The following TICRR variants were observed in gnomAD, a reference collection of about 807,000 sequenced individuals.
The protein encoded by TICRR is TOPBP1 interacting checkpoint and replication regulator, also known as treslin.
TICRR carries 132 observed loss-of-function variants against 178.1 expected under a neutral mutation model. That is an observed-to-expected ratio of 0.74 (90% confidence interval 0.64 to 0.86). TICRR has a LOEUF of 0.86. Among genes scored for constraint, TICRR ranks in the 40% least tolerant of loss-of-function variants. The pLI is 0.00. For synonymous variants in TICRR, 991 were observed against 900.7 expected (o/e 1.10, Z -1.79); for missense variants, 2,587 against 2,334.3 (o/e 1.11, Z -2.23).
In TICRR at chr15:89,624,419, T is replaced by G. The variant is rs371861797; in HGVS notation, c.4109T>G (p.Leu1370Trp). Residue 1370 changes from leucine to tryptophan, a missense_variant, in exon 20 of 22, where the codon TTG (leucine) becomes TGG (tryptophan). By Grantham distance (61) the Leu-to-Trp change is moderately conservative (BLOSUM62 -2). Coordinates refer to ENST00000268138, the MANE Select transcript of TICRR (RefSeq NM_152259.4). Reference sequence around the variant, plus strand: ...CCTGAACTCTCACAGAGAGCTACATTGGACACCGTCCCTCCTCCACCCCCT... The same window carrying G: ...CCTGAACTCTCACAGAGAGCTACATGGGACACCGTCCCTCCTCCACCCCCT... ...TPPELSQRAT[L>W]DTVPPPPPSK... 6.2e-7 allele frequency: 1 copy of G among 1,614,172 alleles called. No homozygotes were observed. The highest frequency in any genetic ancestry group is 2.2e-5 in the East Asian group (1 of 44,866).
At position 89,622,588 on chromosome 15, in the gene TICRR, C is replaced by T. The variant is rs528952023; in HGVS notation, c.3313-1035C>T. Among the ~76,000 whole-genome samples, 3 of 152,266 alleles carry T rather than the reference C, an allele frequency of 2.0e-5. No individual in the cohort carries two copies. The East Asian group carries it at 5.8e-4, about 29-fold the overall frequency. On this transcript the variant is annotated intron_variant, in intron 19 of 21. Transcript: ENST00000268138. The stretch of plus-strand genomic sequence containing the variant: ...TAAATTGCTTGGAGGTTGGGAAAGA[C>T]ATAGAGCTCTGGAGAAGGGTCTGAA...
At chr15:89,580,853 G>A (rs1368803305) in intron 1 of TICRR, among the ~76,000 whole-genome samples, 3 of 152,118 alleles carry the variant, frequency 2.0e-5, no homozygotes, top group Non-Finnish European at 2.9e-5. Context: ...GCAACATGGT[G>A]AGACCCCATC....
intron 13 of TICRR, among the ~76,000 whole-genome samples, chr15:89,605,996 T>A (rs1472759034): frequency 6.6e-6 from 1 of 152,190 alleles, no homozygotes; most frequent in African/African-American, 2.4e-5. Flanking sequence ...TTTTCCCTTA[T>A]TAGGTATAAA....
chr15:89,624,682 A>T lies in TICRR; in HGVS notation c.4372A>T (p.Thr1458Ser). Residue 1458 changes from threonine to serine, a missense_variant, in exon 20 of 22, where the codon ACA becomes TCA. Physicochemically the swap from Thr to Ser is moderately conservative, Grantham distance 58. Transcript: ENST00000268138. The part of the protein sequence containing the change: ...DWHASSPLLI[T>S]SDTEHVTLLS... Reference sequence around the variant, plus strand: ...GCATGCATCCTCTCCTCTGCTCATTACAAGTGACACAGAGCATGTCACTCT... The same window carrying T: ...GCATGCATCCTCTCCTCTGCTCATTTCAAGTGACACAGAGCATGTCACTCT... The T allele has an allele frequency of 6.2e-7, 1 of 1,614,130 alleles. No individual in the cohort carries two copies. Among genetic ancestry groups the T allele is most frequent in the South Asian group, 1.1e-5 (1 of 91,088 alleles).
intron 14 of TICRR, among the ~76,000 whole-genome samples, chr15:89,608,536 A>T: frequency 6.6e-6 from 1 of 152,230 alleles, no homozygotes; most frequent in East Asian, 1.9e-4. Context: ...ATGCTGAGAC[A>T]ACTGGATATC....
Position 89,627,455 on chromosome 15 carries a change from G to A in TICRR, c.*369G>A. 4.2e-6 allele frequency: 1 copy of A among 237,480 alleles called. No individual in the cohort carries two copies. Among genetic ancestry groups the A allele is most frequent in the South Asian group, 9.3e-5 (1 of 10,726 alleles). 14.7% of individuals were successfully genotyped at this position (237,480 alleles called of 1,614,324 possible). On this transcript the variant is annotated 3_prime_UTR_variant, in exon 22 of 22. Transcript: ENST00000268138. ...AAAGGCGCCCTCCCTGGGGTCCCTTGAGCTGCTGTAAGGCTGGGCTGCTGC... is the reference window on the plus strand; with the variant it reads ...AAAGGCGCCCTCCCTGGGGTCCCTTAAGCTGCTGTAAGGCTGGGCTGCTGC...
rs745826660 is a variant in TICRR at position 89,625,439 on chromosome 15, C to G, written c.5129C>G (p.Pro1710Arg). The change falls in exon 20 of 22, where the codon CCT (proline) becomes CGT (arginine). Residue 1710 changes from proline (P) to arginine (R), a missense_variant. Coordinates refer to ENST00000268138, the MANE Select transcript of TICRR (RefSeq NM_152259.4). ...SGRGEVGADL[P>R]GSLSLLESEG... Reference sequence around the variant, plus strand: ...AGGGGCGAGGTCGGTGCAGACCTTCCTGGGAGCCTGTCACTGCTTGAGTCA... The same window carrying G: ...AGGGGCGAGGTCGGTGCAGACCTTCGTGGGAGCCTGTCACTGCTTGAGTCA... The G allele has an allele frequency of 7.4e-6, 12 of 1,613,844 alleles. No homozygotes were observed. Among genetic ancestry groups the G allele is most frequent in the African/African-American group, 1.3e-5 (1 of 74,894 alleles).
At position 89,625,710 on chromosome 15, in the gene TICRR, T is replaced by A; in HGVS notation, c.5400T>A (p.Ser1800Arg). ...ACCTGAGAGAAGATTCAGAAGTTAG[T>A]AAGAGTAAAGAGGGGTCTCCAAGTT... The part of the protein sequence containing the change: ...ICDLREDSEV[S>R]KSKEGSPSWS... The change falls in exon 20 of 22, where the codon AGT becomes AGA. Residue 1800 changes from serine to arginine, a missense_variant. Coordinates refer to ENST00000268138, the MANE Select transcript of TICRR (RefSeq NM_152259.4). 1.2e-6 allele frequency: 2 copies of A among 1,612,878 alleles called. No homozygotes were observed. Among genetic ancestry groups the A allele is most frequent in the South Asian group, 2.2e-5 (2 of 91,060 alleles).
chr15:89,621,748 G>A (rs1963428705), intron 19 of TICRR, among the ~76,000 whole-genome samples, 198 bp downstream of exon 19: 2 of 152,098 alleles, frequency 1.3e-5, no homozygotes, highest in Non-Finnish European at 2.9e-5. Context: ...CTGAAGCCAC[G>A]GTGGGGGCGG....
At chr15:89,595,282 G>A (rs1962978134) in intron 6 of TICRR, 111 bp from the exon 7 acceptor site, 1 of 748,506 alleles carries the variant, frequency 1.3e-6, no homozygotes, top group Non-Finnish European at 2.3e-6. Flanking sequence ...TCATTCTGGA[G>A]GGATATGCTT....
chr15:89,578,906 C>G (rs1345126538), intron 1 of TICRR, among the ~76,000 whole-genome samples: 1 of 152,100 alleles, frequency 6.6e-6, no homozygotes, highest in African/African-American at 2.4e-5. Flanking sequence ...AAGGTTTGGG[C>G]TGTGTCCTTG....
intron 13 of TICRR, among the ~76,000 whole-genome samples, chr15:89,605,822 T>G (rs573247211): frequency 1.8e-4 from 27 of 152,344 alleles, no homozygotes; most frequent in East Asian, 7.7e-4. Context: ...CTTCAATTAT[T>G]ATGATGAATT....
In TICRR at chr15:89,601,365, G is replaced by A. The variant is rs778242125; in HGVS notation, c.2221G>A (p.Asp741Asn). 3 of 1,614,168 alleles carry A rather than the reference G, an allele frequency of 1.9e-6. No homozygotes were observed. In the Admixed American group the frequency reaches 5.0e-5, roughly 27 times the overall value. Residue 741 changes from aspartate (D) to asparagine (N), a missense_variant, in exon 10 of 22, where the codon GAT (aspartate) becomes AAT (asparagine). Coordinates refer to ENST00000268138, the MANE Select transcript of TICRR (RefSeq NM_152259.4). ...LQCPSINEST[D>N]DMEQVVEEVT... ...ATGCCCTTCAATAAATGAAAGTACA[G>A]ATGATATGGAACAAGTAGTGGAGGA...
chr15:89,620,340 G>T (rs955627460), intron 18 of TICRR, among the ~76,000 whole-genome samples: 8 of 152,162 alleles, frequency 5.3e-5, no homozygotes, highest in Non-Finnish European at 1.2e-4. Context: ...TCCCAGGGAG[G>T]TGGGACTACA....
Position 89,575,657 on chromosome 15 carries a change from G to C in TICRR, c.71G>C (p.Arg24Pro). 1.3e-6 allele frequency: 2 copies of C among 1,573,598 alleles called. No homozygotes were observed. ...GGCGCCGCCCGCCACAGCCGGGTCC[G>C]GCGGGCCGCCCTGCGCCTCCTCACC... is the stretch of plus-strand genomic sequence containing the variant. ...AGGAARHSRV[R>P]RAALRLLTYL... The change falls in exon 1 of 22, where the codon CGG becomes CCG. Residue 24 changes from arginine (R) to proline (P), a missense_variant. Physicochemically the swap from Arg to Pro is moderately radical, Grantham distance 103 (BLOSUM62 -2). Transcript: ENST00000268138.
intron 1 of TICRR, among the ~76,000 whole-genome samples, chr15:89,577,391 T>G (rs1407390261): frequency 6.6e-6 from 1 of 152,162 alleles, no homozygotes; most frequent in Non-Finnish European, 1.5e-5. Context: ...GCACTTCATT[T>G]AGTCAACAAA....
intron 6 of TICRR, 132 bp downstream of exon 6, chr15:89,594,686 T>C: frequency 1.4e-6 from 1 of 691,730 alleles, no homozygotes; most frequent in East Asian, 3.1e-5. Flanking sequence ...ATTTAAATTT[T>C]AAAATAATTA....
Position 89,625,686 on chromosome 15 carries a change from C to T in TICRR, c.5376C>T (p.Asp1792=). Residue 1792 remains aspartate, a synonymous_variant, in exon 20 of 22, where the codon GAC becomes GAT. Coordinates refer to ENST00000268138, the MANE Select transcript of TICRR (RefSeq NM_152259.4). ...ACCGTGGAGCCAAAAGGATCTGTGA[C>T]CTGAGAGAAGATTCAGAAGTTAGTA... ...EADRGAKRIC[D]LREDSEVSKS... is the part of the protein sequence containing the mutation. The T allele has an allele frequency of 1.2e-6, 2 of 1,613,674 alleles. No homozygotes were observed. Among genetic ancestry groups the T allele is most frequent in the Non-Finnish European group, 8.5e-7 (1 of 1,180,038 alleles).
In TICRR at chr15:89,601,317, C is replaced by T; in HGVS notation, c.2173C>T (p.Leu725Phe). 1.2e-6 allele frequency: 2 copies of T among 1,614,042 alleles called. No homozygotes were observed. The highest frequency in any genetic ancestry group is 1.7e-6 in the Non-Finnish European group (2 of 1,180,010). Residue 725 changes from leucine (L) to phenylalanine (F), a missense_variant, in exon 10 of 22, where the codon CTT (leucine) becomes TTT (phenylalanine). Coordinates refer to ENST00000268138, the MANE Select transcript of TICRR (RefSeq NM_152259.4). ...KVRECQLQVFLRLEMCLQCPS... is the reference protein window; with the variant it reads ...KVRECQLQVFFRLEMCLQCPS... ...CTCAAGGTGCCAGCTTCAGGTATTT[C>T]TTCGTTTGGAGATGTGTCTGCAATG...
Sources: gnomAD v4.1 joint callset for allele counts (sites outside exome capture counted in the v4.1 genomes callset) on GRCh38, gnomAD v4.1.1 for gene constraint, MANE v1.5 for transcripts, NCBI Gene and HGNC (gene_info 2026-07-23, HGNC 2026-07-21) for gene names.